The following MAML2 variants were observed in gnomAD, a reference collection of about 807,000 sequenced individuals.
MAML2 encodes the protein mastermind-like protein 2.
A neutral mutation model predicts 96.1 loss-of-function variants in MAML2; 22 were observed. The observed-to-expected ratio is 0.23, with a 90% CI of 0.16 to 0.33. The LOEUF is 0.33. Among genes scored for constraint, MAML2 ranks in the 10% least tolerant of loss-of-function variants. The probability of loss-of-function intolerance (pLI) is 1.00; values close to 1 mark genes in which losing one functional copy is unlikely to be tolerated. For synonymous variants in MAML2, 561 were observed against 521.3 expected (o/e 1.08, Z -1.04); for missense variants, 1,367 against 1,392.4 (o/e 0.98, Z 0.29).
intron 1 of MAML2, among the ~76,000 whole-genome samples, chr11:96,170,804 T>C (rs1861279740): frequency 6.6e-6 from 1 of 152,132 alleles, no homozygotes; most frequent in South Asian, 2.1e-4. Flanking sequence ...AAGCTCCGCC[T>C]CCCGGGTTCA....
At chr11:96,034,452 A>AGAGAGAGAGAGG (rs1858670961) in intron 2 of MAML2, among the ~76,000 whole-genome samples, 1 of 139,828 alleles carries the variant, frequency 7.2e-6, no homozygotes, top group African/African-American at 3.0e-5. Flanking sequence ...AGAGAGAGAG[A>AGAGAGAGAGAGG]GAGAGTGTGT....
At chr11:95,993,697 G>A (rs921966158) in intron 2 of MAML2, among the ~76,000 whole-genome samples, 1 of 152,050 alleles carries the variant, frequency 6.6e-6, no homozygotes, top group Non-Finnish European at 1.5e-5. Flanking sequence ...ACTATGTGCC[G>A]AGCTGAAATA....
chr11:96,022,263 C>T (rs1383537876), intron 2 of MAML2, among the ~76,000 whole-genome samples: 1 of 152,216 alleles, frequency 6.6e-6, no homozygotes, highest in African/African-American at 2.4e-5. Flanking sequence ...CCATCGCTAG[C>T]TCCCGTCCTG....
rs372066518 is a variant in MAML2, at chr11:96,092,334, T to G, written c.1697A>C (p.Gln566Pro). ...AACAGAAGGCATCTGCTGGTTCGCT[T>G]GATCTGAGTTAAAATGAAACAAAGG... ...TKPLFHFNSD[Q>P]ANQQMPSVLP... The change falls in exon 2 of 5, where the codon CAA becomes CCA. Residue 566 changes from glutamine to proline, a missense_variant. Coordinates refer to ENST00000524717, the MANE Select transcript of MAML2 (RefSeq NM_032427.4). The surrounding 1 kb of genome is among the most constrained non-coding windows in gnomAD (Gnocchi z 4.1). 1.2e-6 allele frequency: 2 copies of G among 1,608,260 alleles called. No homozygotes were observed.
intron 1 of MAML2, among the ~76,000 whole-genome samples, chr11:96,227,067 T>G (rs993632220): frequency 6.6e-6 from 1 of 152,092 alleles, no homozygotes; most frequent in Non-Finnish European, 1.5e-5. Context: ...TGTCAAGCTG[T>G]CTCCTACCTC....
intron 1 of MAML2, among the ~76,000 whole-genome samples, chr11:96,267,976 C>T (rs1862854441): frequency 1.3e-5 from 2 of 152,206 alleles, no homozygotes; most frequent in South Asian, 2.1e-4. Context: ...CCTGTTGAAA[C>T]AATTTGAAAT....
At chr11:96,235,766 A>G (rs879385237) in intron 1 of MAML2, among the ~76,000 whole-genome samples, 1 of 152,230 alleles carries the variant, frequency 6.6e-6, no homozygotes, top group Non-Finnish European at 1.5e-5. Context: ...TTCTTTTTCA[A>G]TGTAAACCAG....
chr11:96,294,042 A>T (rs962569518), intron 1 of MAML2, among the ~76,000 whole-genome samples: 1 of 152,244 alleles, frequency 6.6e-6, no homozygotes, highest in Non-Finnish European at 1.5e-5. Context: ...AGAGAGGCCA[A>T]TGAATTTTAA....
At position 96,318,462 on chromosome 11, in the gene MAML2, A is replaced by C. The variant is rs184161070; in HGVS notation, c.513+22921T>G. On this transcript the variant is annotated intron_variant, in intron 1 of 4. Coordinates refer to ENST00000524717, the MANE Select transcript of MAML2 (RefSeq NM_032427.4). ...GAGAGTTAACTAATAGAAGAATGCAATCACTAGAGAGTTTATATTGTTGCT... is the reference window on the plus strand; with the variant it reads ...GAGAGTTAACTAATAGAAGAATGCACTCACTAGAGAGTTTATATTGTTGCT... 1.9e-3 allele frequency among the ~76,000 whole-genome samples: 286 copies of C among 152,356 alleles called. 1 individual carries two copies. Among genetic ancestry groups the C allele is most frequent in the Middle Eastern group, 0.01 (3 of 294 alleles).
intron 1 of MAML2, among the ~76,000 whole-genome samples, chr11:96,109,801 G>A (rs1041086999): frequency 6.6e-6 from 1 of 152,202 alleles, no homozygotes; most frequent in Non-Finnish European, 1.5e-5. Context: ...TCCCCTGCTA[G>A]TGAGATATTC....
At chr11:96,115,441 A>G (rs142725707) in intron 1 of MAML2, among the ~76,000 whole-genome samples, 1 of 151,378 alleles carries the variant, frequency 6.6e-6, no homozygotes, top group East Asian at 1.9e-4. Flanking sequence ...CACTGCGATT[A>G]CAGACATGTA....
intron 2 of MAML2, among the ~76,000 whole-genome samples, chr11:96,001,476 C>T (rs1253434963): frequency 6.6e-6 from 1 of 152,204 alleles, no homozygotes; most frequent in African/African-American, 2.4e-5. Context: ...TGATTTGGAT[C>T]ATAGTTCCTT....
intron 1 of MAML2, among the ~76,000 whole-genome samples, chr11:96,299,368 C>T (rs541108877): frequency 5.0e-4 from 76 of 151,548 alleles, no homozygotes; most frequent in African/African-American, 1.7e-3. Flanking sequence ...CAGAAGGCAG[C>T]TCTTAGGATT....
At chr11:96,117,075 A>G (rs1429170384) in intron 1 of MAML2, among the ~76,000 whole-genome samples, 1 of 152,212 alleles carries the variant, frequency 6.6e-6, no homozygotes, top group Non-Finnish European at 1.5e-5. Context: ...GGGACAATTT[A>G]AGATAGATAA....
intron 1 of MAML2, among the ~76,000 whole-genome samples, chr11:96,283,563 C>T (rs1441493692): frequency 6.6e-6 from 1 of 152,176 alleles, no homozygotes; most frequent in East Asian, 1.9e-4. Flanking sequence ...GTTGAAGTAT[C>T]TAACTGGAGA....
At chr11:96,034,173 T>C (rs979293215) in intron 2 of MAML2, among the ~76,000 whole-genome samples, 7 of 152,178 alleles carry the variant, frequency 4.6e-5, no homozygotes, top group East Asian at 1.9e-4. Context: ...TAATTATGGT[T>C]AAATAGTTCA....
At chr11:96,031,045 T>C (rs1858606537) in intron 2 of MAML2, among the ~76,000 whole-genome samples, 1 of 152,334 alleles carries the variant, frequency 6.6e-6, no homozygotes, top group East Asian at 1.9e-4. Context: ...CACCCAAACC[T>C]GGGCTTGAAT....
intron 1 of MAML2, among the ~76,000 whole-genome samples, chr11:96,289,951 A>C (rs1305648503): frequency 1.3e-5 from 2 of 152,210 alleles, no homozygotes; most frequent in African/African-American, 4.8e-5. Flanking sequence ...CATTACAATC[A>C]GGGAAAATCA....
rs1857679415 is a variant in MAML2 at position 95,978,296 on chromosome 11, A to G, written c.*652T>C. 1 of 200,960 alleles carries G rather than the reference A, an allele frequency of 5.0e-6. No homozygotes were observed. The highest frequency in any genetic ancestry group is 1.0e-5 in the Non-Finnish European group (1 of 97,560). 12.4% of individuals were successfully genotyped at this position (200,960 alleles called of 1,614,324 possible). On this transcript the variant is annotated 3_prime_UTR_variant, in exon 5 of 5. Coordinates refer to ENST00000524717, the MANE Select transcript of MAML2 (RefSeq NM_032427.4). Reference sequence around the variant, plus strand: ...TTGCACAGCTCTATATTTTTGTTTAATCACTAGACACAGCATCCCACTGAA... The same window carrying G: ...TTGCACAGCTCTATATTTTTGTTTAGTCACTAGACACAGCATCCCACTGAA...
Sources: allele counts gnomAD v4.1 joint callset (sites outside exome capture counted in the v4.1 genomes callset), GRCh38; gene constraint gnomAD v4.1.1; non-coding constraint Gnocchi (gnomAD v3.1); transcripts MANE v1.5; gene names NCBI Gene and HGNC (gene_info 2026-07-23, HGNC 2026-07-21).